Variants in FGD4 observed in about 807,000 individuals in gnomAD.
FGD4 encodes FYVE, RhoGEF and PH domain containing 4, also known as FYVE, RhoGEF and PH domain-containing protein 4.
A neutral mutation model predicts 102.0 loss-of-function variants in FGD4; 42 were observed. The ratio of observed to expected loss-of-function variants is 0.41; its 90% confidence interval spans 0.32 to 0.53. FGD4 has a LOEUF of 0.53. FGD4 is among the 20% of genes least tolerant of loss of function. The pLI, the probability that FGD4 is intolerant of heterozygous loss-of-function variation, is 0.21. For synonymous variants in FGD4, 380 were observed against 375.7 expected (o/e 1.01, Z -0.13); for missense variants, 902 against 1,078.2 (o/e 0.84, Z 2.29).
rs1938692782 is a variant in FGD4, at chr12:32,506,010, G to A, written c.167-58127G>A. ...TAAACAGGATTGTCTGCTTTTTAAT[G>A]CCCTCATTTTAAAGAAGAACCTGAG... On this transcript the variant is annotated intron_variant, in intron 1 of 16. Transcript: ENST00000534526. The surrounding 1 kb of genome is among the most constrained non-coding windows in gnomAD (Gnocchi z 4.5). 6.6e-6 allele frequency among the ~76,000 whole-genome samples: 1 copy of A among 152,014 alleles called. No homozygotes were observed. The highest frequency in any genetic ancestry group is 2.1e-4 in the South Asian group (1 of 4,818).
At chr12:32,401,176 G>A (rs778201269) in intron 1 of FGD4, among the ~76,000 whole-genome samples, 6 of 152,166 alleles carry the variant, frequency 3.9e-5, no homozygotes, top group Non-Finnish European at 8.8e-5. Flanking sequence ...TGGATCGAAG[G>A]TATTTATTTA....
At chr12:32,604,109 T>C (rs1183305992) in intron 7 of FGD4, among the ~76,000 whole-genome samples, 2 of 152,242 alleles carry the variant, frequency 1.3e-5, no homozygotes, top group South Asian at 2.1e-4. Context: ...ATGAGTCACT[T>C]TTCTCTTGCT....
intron 1 of FGD4, among the ~76,000 whole-genome samples, chr12:32,456,658 A>G (rs1942956566): frequency 6.6e-6 from 1 of 152,182 alleles, no homozygotes; most frequent in Admixed American, 6.5e-5. Context: ...AGTTCAGGTC[A>G]TGCCCTCATG....
intron 2 of FGD4, 104 bp downstream of exon 2, chr12:32,564,393 A>C: frequency 7.2e-7 from 1 of 1,383,330 alleles, no homozygotes; most frequent in Non-Finnish European, 9.6e-7. Context: ...GCTAGAAGGA[A>C]GGAATTGGGT....
At chr12:32,632,568 A>G (rs1015618857) in intron 14 of FGD4, among the ~76,000 whole-genome samples, 1 of 152,182 alleles carries the variant, frequency 6.6e-6, no homozygotes, top group Non-Finnish European at 1.5e-5. Context: ...AAAGAGGGCA[A>G]ATTATGCAGG....
At chr12:32,412,834 C>T (rs1326186095) in intron 1 of FGD4, among the ~76,000 whole-genome samples, 1 of 151,026 alleles carries the variant, frequency 6.6e-6, no homozygotes. Context: ...CCTGCCTCAG[C>T]CTCCTAAAGT....
In FGD4 at chr12:32,642,328, G is replaced by T. The variant is rs1951192469; in HGVS notation, c.*1795G>T. 2 of 152,022 alleles carry T rather than the reference G, an allele frequency of 1.3e-5. No individual in the cohort carries two copies. Among genetic ancestry groups the T allele is most frequent in the Non-Finnish European group, 2.9e-5 (2 of 67,952 alleles). The allele number at this position is 152,022 out of a possible 1,614,324, so 9.4% of individuals were successfully genotyped here. ...ATGTGTGTGATGTATACTCAGAGTG[G>T]TTTTTTGGAAAATTAAACTGTAGCT... On this transcript the variant is annotated 3_prime_UTR_variant, in exon 17 of 17. Coordinates refer to ENST00000534526, the MANE Select transcript of FGD4 (RefSeq NM_001370298.3).
intron 1 of FGD4, among the ~76,000 whole-genome samples, chr12:32,491,080 T>C (rs756172775): frequency 1.3e-5 from 2 of 149,614 alleles, no homozygotes; most frequent in Non-Finnish European, 3.0e-5. Context: ...TCAATGACTT[T>C]TGGTTTTGGC....
intron 1 of FGD4, among the ~76,000 whole-genome samples, chr12:32,446,457 G>T (rs988769520): frequency 1.3e-5 from 2 of 152,118 alleles, no homozygotes; most frequent in African/African-American, 4.8e-5. Context: ...ACACGGTCGA[G>T]GGGTACTTAG....
chr12:32,633,140 A>G (rs907688488), intron 14 of FGD4, among the ~76,000 whole-genome samples: 2 of 151,734 alleles, frequency 1.3e-5, no homozygotes, highest in African/African-American at 4.8e-5. Flanking sequence ...GATGACTCCT[A>G]TGTGTCTGAC....
intron 4 of FGD4, among the ~76,000 whole-genome samples, chr12:32,588,765 C>T (rs1324854274): frequency 1.3e-5 from 2 of 152,204 alleles, no homozygotes; most frequent in African/African-American, 4.8e-5. Flanking sequence ...AGCAAGTCAG[C>T]AGTGCCAAGA....
chr12:32,509,087 A>G (rs1239091510), intron 1 of FGD4, among the ~76,000 whole-genome samples: 1 of 152,226 alleles, frequency 6.6e-6, no homozygotes, highest in Non-Finnish European at 1.5e-5. Context: ...TCTTTAACTA[A>G]TATTTGAGAT....
At chr12:32,587,395 T>C (rs1947136155) in intron 4 of FGD4, among the ~76,000 whole-genome samples, 1 of 139,098 alleles carries the variant, frequency 7.2e-6, no homozygotes, top group Non-Finnish European at 1.6e-5. Context: ...TTTATTTATT[T>C]ATTTTGAGAC....
intron 5 of FGD4, 85 bp from the exon 6 acceptor site, chr12:32,601,193 A>G: frequency 7.1e-7 from 1 of 1,415,838 alleles, no homozygotes; most frequent in Non-Finnish European, 9.8e-7. Context: ...ATAAAAAGTT[A>G]CTAAGAGCCC....
intron 14 of FGD4, among the ~76,000 whole-genome samples, chr12:32,631,053 G>A (rs1950473413): frequency 1.3e-5 from 2 of 152,002 alleles, no homozygotes; most frequent in Non-Finnish European, 2.9e-5. Flanking sequence ...GTGTTTCTTT[G>A]ATACTTCATA....
chr12:32,510,341 A>C lies in FGD4; in HGVS notation c.167-53796A>C, dbSNP rs547779097. Among the ~76,000 whole-genome samples, 6 of 152,364 alleles carry C rather than the reference A, an allele frequency of 3.9e-5. No individual in the cohort carries two copies. In the South Asian group the frequency reaches 1.2e-3, roughly 32 times the overall value. ...GGGAAAATGCTCACAATGAAATGTT[A>C]AATGTATATAATGTTGTATATGCTG... On this transcript the variant is annotated intron_variant, in intron 1 of 16. Transcript: ENST00000534526.
intron 14 of FGD4, among the ~76,000 whole-genome samples, chr12:32,628,338 C>T (rs533769818): frequency 9.2e-5 from 14 of 151,882 alleles, no homozygotes; most frequent in African/African-American, 1.9e-4. Flanking sequence ...CAATTCTCAG[C>T]CCTGAGGTCT....
intron 1 of FGD4, among the ~76,000 whole-genome samples, chr12:32,464,420 T>C (rs528463625): frequency 1.3e-5 from 2 of 152,202 alleles, no homozygotes; most frequent in African/African-American, 4.8e-5. Flanking sequence ...CCCAAAGTGC[T>C]AGGATTACAG....
intron 1 of FGD4, among the ~76,000 whole-genome samples, chr12:32,530,346 G>A (rs1253491381): frequency 6.6e-6 from 1 of 152,066 alleles, no homozygotes; most frequent in African/African-American, 2.4e-5. Flanking sequence ...AGCCAGGCCT[G>A]GTGGCACGTG....
Sources: gnomAD v4.1 joint callset for allele counts (sites outside exome capture counted in the v4.1 genomes callset) on GRCh38, gnomAD v4.1.1 for gene constraint, Gnocchi (gnomAD v3.1) non-coding constraint, MANE v1.5 for transcripts, NCBI Gene and HGNC (gene_info 2026-07-23, HGNC 2026-07-21) for gene names.